Variants in FILIP1L observed in about 807,000 individuals in gnomAD.
FILIP1L encodes the protein filamin A-interacting protein 1-like.
FILIP1L carries 55 observed loss-of-function variants against 96.6 expected under a neutral mutation model. The ratio of observed to expected loss-of-function variants is 0.57; its 90% CI spans 0.46 to 0.71. The LOEUF (loss-of-function observed/expected upper bound fraction) is 0.71, where lower values mean the gene tolerates loss of function less well. Among genes scored for constraint, FILIP1L ranks in the 30% least tolerant of loss-of-function variants. The probability of loss-of-function intolerance (pLI) is 0.00; values close to 1 mark genes in which losing one functional copy is unlikely to be tolerated. For synonymous variants in FILIP1L, 467 were observed against 473.9 expected (o/e 0.99, Z 0.19); for missense variants, 1,304 against 1,321.2 (o/e 0.99, Z 0.20).
chr3:100,081,776 T>G (rs1311693335), intron 1 of FILIP1L, among the ~76,000 whole-genome samples: 20 of 152,220 alleles, frequency 1.3e-4, no homozygotes, highest in Non-Finnish European at 2.5e-4. Flanking sequence ...TTCTTAGTTG[T>G]TTTAGAGCCA....
rs550140941 is a variant in FILIP1L at position 99,993,934 on chromosome 3, T to G, written c.-10-62904A>C. ...AATCAGGGATATTGGTTTATAGTTT[T>G]CAGTGTGTGTCCTTGTCTGATTTTG... On this transcript the variant is annotated intron_variant, in intron 1 of 5. Coordinates refer to ENST00000477258, the MANE Select transcript of FILIP1L (RefSeq NM_001387850.1). 1.3e-4 allele frequency among the ~76,000 whole-genome samples: 20 copies of G among 152,326 alleles called. No individual in the cohort carries two copies. In the East Asian group the frequency reaches 3.7e-3, roughly 28 times the overall value.
At chr3:100,098,808 A>G (rs1186779207) in intron 1 of FILIP1L, among the ~76,000 whole-genome samples, 1 of 152,222 alleles carries the variant, frequency 6.6e-6, no homozygotes, top group Non-Finnish European at 1.5e-5. Context: ...TTAAACTAGG[A>G]AAATATTTTA....
At chr3:100,098,759 C>T (rs759809039) in intron 1 of FILIP1L, among the ~76,000 whole-genome samples, 5 of 152,186 alleles carry the variant, frequency 3.3e-5, no homozygotes, top group Admixed American at 6.5e-5. Flanking sequence ...ACCATGAAAA[C>T]AAACCATTAG....
chr3:100,054,518 TTA>T (rs2065430214), intron 1 of FILIP1L, among the ~76,000 whole-genome samples: 2 of 152,126 alleles, frequency 1.3e-5, no homozygotes, highest in Non-Finnish European at 1.5e-5. Flanking sequence ...TTATGTTATG[TTA>T]TGTTATGTTA....
At position 99,850,496 on chromosome 3, in the gene FILIP1L, C is replaced by T. The variant is rs773071545; in HGVS notation, c.1180G>A (p.Glu394Lys). ...GKDEELIKME[E>K]QCRDLNKRLE... The stretch of plus-strand genomic sequence containing the variant: ...CTCTTATTGAGATCTCTGCACTGCT[C>T]CTCCATTTTTATGAGCTCTTCATCT... Residue 394 changes from glutamate to lysine, a missense_variant, in exon 5 of 6, where the codon GAG becomes AAG. By Grantham distance (56) the Glu-to-Lys change is moderately conservative. Transcript: ENST00000477258. 2 of 1,613,214 alleles carry T rather than the reference C, an allele frequency of 1.2e-6. No individual in the cohort carries two copies. Among genetic ancestry groups the T allele is most frequent in the Non-Finnish European group, 1.7e-6 (2 of 1,179,856 alleles).
At chr3:99,950,552 T>C (rs2107688105) in intron 1 of FILIP1L, among the ~76,000 whole-genome samples, 1 of 152,286 alleles carries the variant, frequency 6.6e-6, no homozygotes, top group East Asian at 1.9e-4. Context: ...AGCTACAAAA[T>C]TTCATTCATC....
intron 1 of FILIP1L, among the ~76,000 whole-genome samples, chr3:100,013,985 C>T (rs1328799666): frequency 6.6e-6 from 1 of 152,080 alleles, no homozygotes; most frequent in African/African-American, 2.4e-5. Context: ...CTTCCCACTG[C>T]CCCTTGCTCC....
intron 1 of FILIP1L, among the ~76,000 whole-genome samples, chr3:99,933,065 A>G (rs1452666408): frequency 2.0e-5 from 3 of 152,182 alleles, no homozygotes; most frequent in Non-Finnish European, 4.4e-5. Context: ...CAGTGAACAA[A>G]TGGAAGCACG....
intron 4 of FILIP1L, among the ~76,000 whole-genome samples, chr3:99,853,004 G>C (rs1943778816): frequency 6.6e-6 from 1 of 152,176 alleles, no homozygotes. Flanking sequence ...CAGGATGCTG[G>C]GGTGTCGTTG....
intron 4 of FILIP1L, among the ~76,000 whole-genome samples, chr3:99,872,930 T>TA (rs1197359816): frequency 7.8e-4 from 118 of 151,284 alleles, no homozygotes; most frequent in African/African-American, 2.4e-3. Flanking sequence ...TTTTTTTTTT[T>TA]AAAAAAAGGA....
chr3:99,924,138 G>A (rs1707212056), intron 4 of FILIP1L, 92 bp downstream of exon 4: 1 of 1,035,658 alleles, frequency 9.7e-7, no homozygotes, highest in Non-Finnish European at 1.4e-6. Context: ...AACAGAGACT[G>A]TGTCATATTT....
chr3:99,962,520 G>T (rs1708523769), intron 1 of FILIP1L, among the ~76,000 whole-genome samples: 1 of 152,168 alleles, frequency 6.6e-6, no homozygotes, highest in Admixed American at 6.5e-5. Flanking sequence ...CATTTCTCCA[G>T]CAACAATATG....
chr3:99,900,736 G>A (rs1484420693), intron 4 of FILIP1L, among the ~76,000 whole-genome samples: 8 of 152,222 alleles, frequency 5.3e-5, no homozygotes, highest in Admixed American at 5.2e-4. Flanking sequence ...AAACTGAGCT[G>A]CACGTTGGAA....
intron 1 of FILIP1L, among the ~76,000 whole-genome samples, chr3:99,944,207 G>A (rs1288080014): frequency 6.6e-6 from 1 of 152,158 alleles, no homozygotes; most frequent in South Asian, 2.1e-4. Flanking sequence ...GTGTTATTTT[G>A]TGCCTAACTG....
At chr3:99,957,693 C>CTTTCTTTTTTTTTTT (rs1708364770) in intron 1 of FILIP1L, among the ~76,000 whole-genome samples, 2 of 19,904 alleles carry the variant, frequency 1.0e-4, no homozygotes, top group African/African-American at 3.3e-4. Context: ...TTCTTTCTTT[C>CTTTCTTTTTTTTTTT]TTTTTTTTTT....
rs201683932 is a variant in FILIP1L at position 99,989,684 on chromosome 3, A to AT, written c.-10-58655dup. 1.2e-3 allele frequency among the ~76,000 whole-genome samples: 70 copies of AT among 58,388 alleles called. No homozygotes were observed. In the South Asian group the frequency reaches 0.015, roughly 13 times the overall value. The allele number at this position is 58,388 out of a possible 152,430, so 38.3% of individuals were successfully genotyped here. On this transcript the variant is annotated intron_variant, in intron 1 of 5. Transcript: ENST00000477258. ...TTCCTCTATATATATATATATATAT[A>AT]TTTTTTTTCTTTTTTTTGCAGAAAA...
chr3:99,882,407 A>G (rs549805164), intron 4 of FILIP1L, among the ~76,000 whole-genome samples: 3 of 152,330 alleles, frequency 2.0e-5, no homozygotes, highest in African/African-American at 7.2e-5. Context: ...TGGTAAGACT[A>G]AATCTTCCAC....
intron 3 of FILIP1L, 112 bp from the exon 4 acceptor site, chr3:99,924,520 T>TTTTG: frequency 1.8e-6 from 2 of 1,124,242 alleles, no homozygotes; most frequent in Non-Finnish European, 2.6e-6. Flanking sequence ...TTTTTTGGTT[T>TTTTG]TTTGTTTGTT....
chr3:99,842,568 A>G (rs1178737400), intron 5 of FILIP1L, among the ~76,000 whole-genome samples: 1 of 151,576 alleles, frequency 6.6e-6, no homozygotes, highest in Admixed American at 6.6e-5. Context: ...CCATTTGGCT[A>G]TGAGGAGGAA....
Sources: gnomAD v4.1 joint callset for allele counts (sites outside exome capture counted in the v4.1 genomes callset) on GRCh38, gnomAD v4.1.1 for gene constraint, MANE v1.5 for transcripts, NCBI Gene and HGNC (gene_info 2026-07-23, HGNC 2026-07-21) for gene names.